Variants in ENOX1 observed in about 807,000 individuals in gnomAD.
The protein encoded by ENOX1 is ecto-NOX disulfide-thiol exchanger 1, also known as candidate growth-related and time keeping constitutive hydroquinone (NADH) oxidase.
ENOX1 carries 42 observed loss-of-function variants against 82.5 expected under a neutral mutation model. That is an observed-to-expected ratio of 0.51 (90% CI 0.40 to 0.66). ENOX1 has a LOEUF of 0.66. ENOX1 is among the 30% of genes least tolerant of loss of function. ENOX1 has a pLI of 0.00. For synonymous variants in ENOX1, 271 were observed against 282.2 expected, an observed-to-expected ratio of 0.96 and a Z score of 0.40; for missense variants, 608 against 811.6, an observed-to-expected ratio of 0.75 and a Z score of 3.05.
In ENOX1 at chr13:43,248,826, CCT is replaced by C. The variant is rs551991372; in HGVS notation, c.1612-12090_1612-12089del. Among the ~76,000 whole-genome samples the C allele has an allele frequency of 2.2e-3, 340 of 152,002 alleles. 1 individual carries two copies. The highest frequency in any genetic ancestry group is 7.7e-3 in the African/African-American group (320 of 41,442). Reference sequence around the variant, plus strand: ...GCCTTTTATAGTTTATATATAACCCCCTCCCACATACATATAACATATATATG... The same window carrying C: ...GCCTTTTATAGTTTATATATAACCCCCCCACATACATATAACATATATATG... On this transcript the variant is annotated intron_variant, in intron 14 of 16. Coordinates refer to ENST00000690772, the MANE Select transcript of ENOX1 (RefSeq NM_001347969.2).
Position 43,786,328 on chromosome 13 carries a change from C to T in ENOX1, c.-285+324G>A, listed in dbSNP as rs1365319782. ...TGCAGGGGAGGTGACTGGCGCGCGG[C>T]GGGCGCGGAGCCCGGAGCTGACACT... is the stretch of plus-strand genomic sequence containing the variant. On this transcript the variant is annotated intron_variant, in intron 1 of 16. Transcript: ENST00000690772. This position sits in a 1 kb window ranked among gnomAD's most constrained non-coding sequence, Gnocchi z 6.0. Among the ~76,000 whole-genome samples, 1 of 151,970 alleles carries T rather than the reference C, an allele frequency of 6.6e-6. No individual in the cohort carries two copies. Among genetic ancestry groups the T allele is most frequent in the Non-Finnish European group, 1.5e-5 (1 of 67,976 alleles).
At chr13:43,528,003 A>T (rs1471633811) in intron 2 of ENOX1, among the ~76,000 whole-genome samples, 1 of 152,068 alleles carries the variant, frequency 6.6e-6, no homozygotes, top group Non-Finnish European at 1.5e-5. Flanking sequence ...TTTCCAAGAG[A>T]GTTTCCTTTG....
At chr13:43,377,887 T>A (rs944193733) in intron 5 of ENOX1, among the ~76,000 whole-genome samples, 4 of 152,124 alleles carry the variant, frequency 2.6e-5, no homozygotes, top group African/African-American at 9.7e-5. Context: ...ACAAGATGGA[T>A]CTTTAGCTGG....
At chr13:43,421,651 C>G (rs1257510289) in intron 3 of ENOX1, among the ~76,000 whole-genome samples, 1 of 152,120 alleles carries the variant, frequency 6.6e-6, no homozygotes, top group African/African-American at 2.4e-5. Context: ...CTCTTTCTCC[C>G]ATGCTCTCAT....
chr13:43,433,679 G>A (rs1163963489), intron 3 of ENOX1, among the ~76,000 whole-genome samples: 1 of 152,158 alleles, frequency 6.6e-6, no homozygotes, highest in Non-Finnish European at 1.5e-5. Flanking sequence ...GATGCACTCT[G>A]AGTTTTTTCA....
At chr13:43,247,861 A>G (rs867409673) in intron 14 of ENOX1, among the ~76,000 whole-genome samples, 22 of 1,774 alleles carry the variant, frequency 0.012, no homozygotes, top group African/African-American at 0.035. Context: ...ATATATATAT[A>G]TATATATATA....
chr13:43,326,952 T>C (rs988446734), intron 9 of ENOX1, among the ~76,000 whole-genome samples: 2 of 152,178 alleles, frequency 1.3e-5, no homozygotes, highest in Non-Finnish European at 2.9e-5. Context: ...GCCAAACATA[T>C]CATTTTCTCT....
At chr13:43,693,391 C>A (rs2086470840) in intron 1 of ENOX1, among the ~76,000 whole-genome samples, 1 of 152,070 alleles carries the variant, frequency 6.6e-6, no homozygotes, top group African/African-American at 2.4e-5. Context: ...TTATACCAAC[C>A]ACAACCAAGG....
At chr13:43,624,054 A>C (rs1049096968) in intron 2 of ENOX1, among the ~76,000 whole-genome samples, 4 of 152,198 alleles carry the variant, frequency 2.6e-5, no homozygotes, top group African/African-American at 9.7e-5. Flanking sequence ...CCAGCAATGT[A>C]GGGATTTAGT....
At chr13:43,324,188 A>G (rs1289068887) in intron 10 of ENOX1, among the ~76,000 whole-genome samples, 1 of 152,224 alleles carries the variant, frequency 6.6e-6, no homozygotes, top group East Asian at 1.9e-4. Context: ...TTTTCTACTG[A>G]CAAAGAGCCC....
intron 2 of ENOX1, among the ~76,000 whole-genome samples, chr13:43,653,044 G>A (rs1348243243): frequency 6.6e-6 from 1 of 152,214 alleles, no homozygotes; most frequent in Non-Finnish European, 1.5e-5. Context: ...TCAATGGCAG[G>A]CAGAGAGGCT....
rs74847616 is a variant in ENOX1, at chr13:43,316,217, A to G, written c.1261+6167T>C. On this transcript the variant is annotated intron_variant, in intron 11 of 16. Transcript: ENST00000690772. ...AGGAAACTTTGTGGAGACCCCACCC[A>G]GGTCTAAGCTAGGATCAAACAGGTA... Among the ~76,000 whole-genome samples the G allele has an allele frequency of 2.6e-4, 40 of 152,320 alleles. No homozygotes were observed. The East Asian group carries it at 7.1e-3, about 27-fold the overall frequency.
intron 5 of ENOX1, among the ~76,000 whole-genome samples, chr13:43,368,728 G>A (rs1420052764): frequency 1.3e-5 from 2 of 152,146 alleles, no homozygotes; most frequent in African/African-American, 4.8e-5. Flanking sequence ...AGGTGTGGAG[G>A]GGTTCATTTT....
chr13:43,730,156 C>T (rs1340513944), intron 1 of ENOX1, among the ~76,000 whole-genome samples: 1 of 152,184 alleles, frequency 6.6e-6, no homozygotes, highest in Non-Finnish European at 1.5e-5. Context: ...ATGTTAATGA[C>T]TCCTAAATCC....
chr13:43,359,091 T>G (rs1240958222), intron 7 of ENOX1, among the ~76,000 whole-genome samples: 1 of 143,802 alleles, frequency 7.0e-6, no homozygotes, highest in African/African-American at 2.5e-5. Flanking sequence ...CCCCACCCGC[T>G]ACTGTTTTCC....
intron 2 of ENOX1, among the ~76,000 whole-genome samples, chr13:43,507,860 T>C (rs1451024222): frequency 6.6e-6 from 1 of 151,996 alleles, no homozygotes; most frequent in Non-Finnish European, 1.5e-5. Context: ...TTAGAAACTC[T>C]AGGAAAAACA....
intron 3 of ENOX1, among the ~76,000 whole-genome samples, chr13:43,446,064 C>T (rs564951713): frequency 3.6e-4 from 55 of 152,220 alleles, no homozygotes; most frequent in Non-Finnish European, 6.3e-4. Flanking sequence ...TGCCAACCCA[C>T]AAGAAAAGAA....
chr13:43,416,230 C>T (rs190221980), intron 3 of ENOX1, among the ~76,000 whole-genome samples: 1,358 of 106,804 alleles, frequency 0.013, no homozygotes, highest in East Asian at 0.1. Context: ...CTCCTCACTT[C>T]CCAGATGATG....
chr13:43,414,585 T>C (rs1370859312), intron 3 of ENOX1, among the ~76,000 whole-genome samples: 1 of 152,228 alleles, frequency 6.6e-6, no homozygotes, highest in Non-Finnish European at 1.5e-5. Context: ...ACGATCTTTC[T>C]ACGATGAAAT....
Sources: allele counts gnomAD v4.1 joint callset (sites outside exome capture counted in the v4.1 genomes callset), GRCh38; gene constraint gnomAD v4.1.1; non-coding constraint Gnocchi (gnomAD v3.1); transcripts MANE v1.5; gene names NCBI Gene and HGNC (gene_info 2026-07-23, HGNC 2026-07-21).